BMERB1: variants seen among roughly 807,000 people sequenced by gnomAD.
BMERB1 encodes the protein bMERB domain containing 1, also known as bMERB domain-containing protein 1.
Under a neutral mutation model 23.6 loss-of-function variants are expected in BMERB1, and 12 were observed. The ratio of observed to expected loss-of-function variants is 0.51; its 90% CI spans 0.33 to 0.82. BMERB1 has a LOEUF of 0.82. Ranked by LOEUF, BMERB1 falls within the 40% of genes least tolerant of loss-of-function variation. The pLI, the probability that BMERB1 is intolerant of heterozygous loss-of-function variation, is 0.03. For synonymous variants in BMERB1, 122 were observed against 96.6 expected, an observed-to-expected ratio of 1.26 and a Z score of -1.54; for missense variants, 247 against 255.4, an observed-to-expected ratio of 0.97 and a Z score of 0.22.
intron 2 of BMERB1, among the ~76,000 whole-genome samples, chr16:15,547,398 A>G (rs1329000437): frequency 1.4e-5 from 2 of 146,562 alleles, no homozygotes; most frequent in East Asian, 2.1e-4. Flanking sequence ...CTGGAGTGCA[A>G]TGGCAGGATC....
chr16:15,546,781 C>G (rs1236393645), intron 2 of BMERB1, among the ~76,000 whole-genome samples: 2 of 152,146 alleles, frequency 1.3e-5, no homozygotes, highest in African/African-American at 4.8e-5. Flanking sequence ...ATCTTGTCTC[C>G]TGCTAAATCA....
chr16:15,578,808 C>A (rs1417491203), intron 3 of BMERB1, among the ~76,000 whole-genome samples: 5 of 152,176 alleles, frequency 3.3e-5, no homozygotes, highest in Non-Finnish European at 7.3e-5. Context: ...AATCTACTCA[C>A]TTCCCAAAGG....
At chr16:15,475,768 C>T (rs771737402) in intron 1 of BMERB1, among the ~76,000 whole-genome samples, 2 of 152,190 alleles carry the variant, frequency 1.3e-5, no homozygotes, top group East Asian at 1.9e-4. Flanking sequence ...GGGAATCAGA[C>T]TGTTACCACC....
chr16:15,486,545 A>T (rs2051370513), intron 1 of BMERB1, among the ~76,000 whole-genome samples: 1 of 152,214 alleles, frequency 6.6e-6, no homozygotes, highest in African/African-American at 2.4e-5. Context: ...CTATTGGTCC[A>T]GCTTGGGCCA....
chr16:15,441,783 A>G (rs2050941240), intron 1 of BMERB1, among the ~76,000 whole-genome samples: 1 of 152,216 alleles, frequency 6.6e-6, no homozygotes, highest in East Asian at 1.9e-4. Flanking sequence ...CAGCCTCCCA[A>G]AGGGCTGGGA....
At chr16:15,513,026 G>C (rs1254878465) in intron 1 of BMERB1, among the ~76,000 whole-genome samples, 1 of 152,076 alleles carries the variant, frequency 6.6e-6, no homozygotes, top group Non-Finnish European at 1.5e-5. Context: ...TCTTGGGGGC[G>C]GGTGTGGAAG....
intron 2 of BMERB1, among the ~76,000 whole-genome samples, chr16:15,521,596 G>T (rs903129518): frequency 2.6e-5 from 4 of 152,160 alleles, no homozygotes; most frequent in Non-Finnish European, 4.4e-5. Flanking sequence ...GCAGGCAGGT[G>T]TGAACTCTGA....
intron 2 of BMERB1, among the ~76,000 whole-genome samples, chr16:15,534,056 G>A (rs1184723056): frequency 6.6e-6 from 1 of 151,822 alleles, no homozygotes; most frequent in Non-Finnish European, 1.5e-5. Context: ...TGCTTCACTG[G>A]TTTCCATAAC....
At chr16:15,539,338 G>A (rs12921659) in intron 2 of BMERB1, among the ~76,000 whole-genome samples, 28,604 of 151,938 alleles carry the variant, frequency 0.19, 3,322 homozygotes, top group East Asian at 0.5. Context: ...GTGAGCATGG[G>A]GAGTGGCCGT....
intron 5 of BMERB1, chr16:15,583,892 C>T (rs1010307156): frequency 3.1e-6 from 2 of 644,528 alleles, no homozygotes; most frequent in African/African-American, 3.7e-5. Context: ...GGATTGAACT[C>T]TGCAAACTAC....
At chr16:15,569,330 C>T (rs1567502744) in intron 3 of BMERB1, among the ~76,000 whole-genome samples, 3 of 152,122 alleles carry the variant, frequency 2.0e-5, no homozygotes, top group Non-Finnish European at 2.9e-5. Context: ...TGCTGGAAGG[C>T]CTCAGGAAAC....
At chr16:15,458,197 G>A (rs2051101466) in intron 1 of BMERB1, among the ~76,000 whole-genome samples, 1 of 152,138 alleles carries the variant, frequency 6.6e-6, no homozygotes, top group Non-Finnish European at 1.5e-5. Flanking sequence ...CTTGGCTTTT[G>A]TGAAGGCAGC....
intron 1 of BMERB1, among the ~76,000 whole-genome samples, chr16:15,455,058 G>A (rs138879457): frequency 6.6e-5 from 10 of 152,168 alleles, no homozygotes; most frequent in East Asian, 1.9e-4. Flanking sequence ...ATCTGAGGGC[G>A]CGCGTGGTGG....
At chr16:15,511,221 C>G (rs1056821762) in intron 1 of BMERB1, among the ~76,000 whole-genome samples, 1 of 152,046 alleles carries the variant, frequency 6.6e-6, no homozygotes, top group Non-Finnish European at 1.5e-5. Flanking sequence ...AAACAGACAT[C>G]GCTCCCTCTC....
chr16:15,487,557 A>G (rs988360375), intron 1 of BMERB1, among the ~76,000 whole-genome samples: 1 of 152,202 alleles, frequency 6.6e-6, no homozygotes, highest in African/African-American at 2.4e-5. Flanking sequence ...AGGCGAATCC[A>G]TAGAGTAAAA....
At chr16:15,562,459 C>A (rs1429900659) in intron 2 of BMERB1, among the ~76,000 whole-genome samples, 1 of 152,150 alleles carries the variant, frequency 6.6e-6, no homozygotes, top group African/African-American at 2.4e-5. Flanking sequence ...CTTTCTCCAT[C>A]TTCTCCTCTC....
chr16:15,549,348 CAAAA>C (rs11367653), intron 2 of BMERB1, among the ~76,000 whole-genome samples: 4 of 93,936 alleles, frequency 4.3e-5, no homozygotes, highest in Admixed American at 1.1e-4. Context: ...GATTCTATCT[CAAAA>C]AAAAAAAAAA....
Position 15,486,072 on chromosome 16 carries a change from T to C in BMERB1, c.107-29233T>C, listed in dbSNP as rs185415133. On this transcript the variant is annotated intron_variant, in intron 1 of 5. Transcript: ENST00000300006. ...GGCTGGCCAACATGGTGAAACCTTG[T>C]CTCTACTAAAAATACAAAAATTAGC... 9.2e-5 allele frequency among the ~76,000 whole-genome samples: 14 copies of C among 152,018 alleles called. No individual in the cohort carries two copies. In the East Asian group the frequency reaches 2.7e-3, roughly 29 times the overall value.
intron 2 of BMERB1, among the ~76,000 whole-genome samples, chr16:15,549,749 G>A (rs1040134756): frequency 1.3e-5 from 2 of 152,050 alleles, no homozygotes; most frequent in African/African-American, 4.8e-5. Context: ...ACAATCAGGG[G>A]ACTTACCTTA....
Sources: gnomAD v4.1 joint callset for allele counts (sites outside exome capture counted in the v4.1 genomes callset) on GRCh38, gnomAD v4.1.1 for gene constraint, MANE v1.5 for transcripts, NCBI Gene and HGNC (gene_info 2026-07-23, HGNC 2026-07-21) for gene names.